Variants in NRG3 observed in about 807,000 individuals in gnomAD.
NRG3 encodes pro-neuregulin-3, membrane-bound isoform.
Under a neutral mutation model 66.9 loss-of-function variants are expected in NRG3, and 31 were observed. The ratio of observed to expected loss-of-function variants is 0.46; its 90% CI spans 0.35 to 0.63. NRG3 has a LOEUF of 0.63. Ranked by LOEUF, NRG3 falls within the 20% of genes least tolerant of loss-of-function variation. The pLI is 0.00. For missense variants in NRG3, 910 were observed against 878.9 expected, an observed-to-expected ratio of 1.04 and a Z score of -0.45; for synonymous variants, 393 against 359.4, an observed-to-expected ratio of 1.09 and a Z score of -1.06.
chr10:81,919,294 G>A (rs1434467851), intron 1 of NRG3, among the ~76,000 whole-genome samples: 1 of 152,146 alleles, frequency 6.6e-6, no homozygotes, highest in African/African-American at 2.4e-5. Flanking sequence ...GTGTGGCAGC[G>A]CTGAAAATCA....
At chr10:82,453,489 C>T (rs554181441) in intron 2 of NRG3, among the ~76,000 whole-genome samples, 1 of 152,020 alleles carries the variant, frequency 6.6e-6, no homozygotes, top group African/African-American at 2.4e-5. Context: ...TGTCTGTAAC[C>T]ATTGCATTAA....
chr10:82,713,264 T>G (rs1412621685), intron 2 of NRG3, among the ~76,000 whole-genome samples: 1 of 151,882 alleles, frequency 6.6e-6, no homozygotes, highest in Non-Finnish European at 1.5e-5. Flanking sequence ...AAGAGTAAGA[T>G]AATTTGATAT....
intron 2 of NRG3, among the ~76,000 whole-genome samples, chr10:82,711,139 C>G (rs1353583276): frequency 6.6e-6 from 1 of 152,138 alleles, no homozygotes; most frequent in African/African-American, 2.4e-5. Flanking sequence ...AATGTGGTCA[C>G]CTTATCATAG....
At chr10:82,686,065 T>A (rs187758026) in intron 2 of NRG3, among the ~76,000 whole-genome samples, 58 of 152,330 alleles carry the variant, frequency 3.8e-4, no homozygotes, top group African/African-American at 1.2e-3. Flanking sequence ...AAGAGTATAC[T>A]CTAAAACAAC....
intron 1 of NRG3, among the ~76,000 whole-genome samples, chr10:82,000,584 T>G (rs914008392): frequency 6.6e-6 from 1 of 152,214 alleles, no homozygotes; most frequent in Admixed American, 6.5e-5. Context: ...AATTTGAACA[T>G]GTATCAACAA....
chr10:82,085,637 CT>C (rs953026372), intron 1 of NRG3, among the ~76,000 whole-genome samples: 165 of 149,348 alleles, frequency 1.1e-3, no homozygotes, highest in African/African-American at 3.9e-3. Flanking sequence ...CCATTCACCT[CT>C]TTTTTTTTTC....
At chr10:82,647,744 T>G (rs1034761988) in intron 2 of NRG3, among the ~76,000 whole-genome samples, 1 of 152,168 alleles carries the variant, frequency 6.6e-6, no homozygotes, top group African/African-American at 2.4e-5. Context: ...TTTGCATTTT[T>G]TGATGGCCAG....
intron 2 of NRG3, among the ~76,000 whole-genome samples, chr10:82,440,408 A>G (rs1257675888): frequency 2.1e-5 from 2 of 96,072 alleles, no homozygotes; most frequent in East Asian, 5.8e-4. Context: ...ATTTATATGT[A>G]TGCTATACTT....
chr10:82,750,806 T>C (rs938044457), intron 3 of NRG3, among the ~76,000 whole-genome samples: 7 of 152,174 alleles, frequency 4.6e-5, no homozygotes, highest in African/African-American at 1.4e-4. Context: ...GGAAACTTTT[T>C]AATATTTATT....
intron 2 of NRG3, among the ~76,000 whole-genome samples, chr10:82,629,910 C>T (rs1292511804): frequency 6.6e-6 from 1 of 152,054 alleles, no homozygotes; most frequent in Non-Finnish European, 1.5e-5. Flanking sequence ...CTTTTTTCTC[C>T]TCTTTGTGTA....
intron 2 of NRG3, among the ~76,000 whole-genome samples, chr10:82,725,863 A>T (rs17100620): frequency 6.6e-6 from 1 of 152,094 alleles, no homozygotes; most frequent in Admixed American, 6.5e-5. Context: ...ACGTTCCCCT[A>T]CTTGGTAACT....
intron 2 of NRG3, among the ~76,000 whole-genome samples, chr10:82,676,737 C>A (rs1565192513): frequency 6.6e-6 from 1 of 152,152 alleles, no homozygotes. Flanking sequence ...CCCCCCTCGG[C>A]CTCCCAAAGT....
At chr10:82,460,331 C>T (rs928747595) in intron 2 of NRG3, among the ~76,000 whole-genome samples, 2 of 152,104 alleles carry the variant, frequency 1.3e-5, no homozygotes, top group Non-Finnish European at 2.9e-5. Flanking sequence ...TTTAACCTCT[C>T]TTTGTAAAAT....
At chr10:82,976,176 C>T (rs1250622829) in intron 7 of NRG3, among the ~76,000 whole-genome samples, 5 of 152,058 alleles carry the variant, frequency 3.3e-5, no homozygotes, top group African/African-American at 7.2e-5. Flanking sequence ...TTGCCTCAGC[C>T]GTCTGAGTAG....
chr10:81,955,724 C>T (rs944230983), intron 1 of NRG3, among the ~76,000 whole-genome samples: 3 of 152,046 alleles, frequency 2.0e-5, no homozygotes, highest in African/African-American at 7.2e-5. Flanking sequence ...CTGATTTATC[C>T]TTTTTTTCCA....
At position 82,910,953 on chromosome 10, in the gene NRG3, A is replaced by T. The variant is rs116954816; in HGVS notation, c.1055-40516A>T. ...ATCTGGCCTATGGCTATGTTCAGTG[A>T]CTATGTTTCAACCCTTCTTGCACAG... On this transcript the variant is annotated intron_variant, in intron 4 of 8. Transcript: ENST00000372141. 9.9e-3 allele frequency among the ~76,000 whole-genome samples: 1,505 copies of T among 152,336 alleles called. 14 individuals carry two copies. The highest frequency in any genetic ancestry group is 0.021 in the Admixed American group (325 of 15,302).
intron 2 of NRG3, among the ~76,000 whole-genome samples, chr10:82,425,924 G>C (rs922554987): frequency 2.0e-5 from 3 of 152,142 alleles, no homozygotes; most frequent in African/African-American, 7.2e-5. Flanking sequence ...CGTGAGAGGG[G>C]AAGCATTTTA....
chr10:82,915,707 G>A (rs903012558), intron 4 of NRG3, among the ~76,000 whole-genome samples: 2 of 152,086 alleles, frequency 1.3e-5, no homozygotes, highest in African/African-American at 4.8e-5. Flanking sequence ...TAAATGTGCT[G>A]TACAAAAGTC....
At chr10:82,393,278 T>C (rs1435417838) in intron 2 of NRG3, among the ~76,000 whole-genome samples, 1 of 152,166 alleles carries the variant, frequency 6.6e-6, no homozygotes, top group Non-Finnish European at 1.5e-5. Context: ...AATTGGATTA[T>C]GCTGAGATTA....
Sources: allele counts gnomAD v4.1 joint callset (sites outside exome capture counted in the v4.1 genomes callset), GRCh38; gene constraint gnomAD v4.1.1; transcripts MANE v1.5; gene names NCBI Gene and HGNC (gene_info 2026-07-23, HGNC 2026-07-21).